Variants in ESR1 observed in about 807,000 individuals in gnomAD.
The protein encoded by ESR1 is estrogen receptor.
ESR1 carries 12 observed loss-of-function variants against 52.7 expected under a neutral mutation model. The ratio of observed to expected loss-of-function variants is 0.23; its 90% CI spans 0.15 to 0.37. The LOEUF is 0.37. Among genes scored for constraint, ESR1 ranks in the 10% least tolerant of loss-of-function variants. ESR1 has a pLI of 1.00. For synonymous variants in ESR1, 305 were observed against 316.8 expected (o/e 0.96, Z 0.39); for missense variants, 584 against 779.7 (o/e 0.75, Z 2.99).
intron 5 of ESR1, among the ~76,000 whole-genome samples, chr6:152,042,110 G>T (rs1453520655): frequency 1.3e-5 from 2 of 152,154 alleles, no homozygotes; most frequent in African/African-American, 2.4e-5. Context: ...CTCCAGGGAT[G>T]CAATGTTGTG....
chr6:151,965,168 A>G (rs1483168546), intron 4 of ESR1, among the ~76,000 whole-genome samples: 2 of 152,168 alleles, frequency 1.3e-5, no homozygotes, highest in African/African-American at 4.8e-5. Flanking sequence ...GCGATCATGT[A>G]TCATCTGATC....
intron 2 of ESR1, among the ~76,000 whole-genome samples, chr6:151,728,362 G>A (rs1781997400): frequency 6.6e-6 from 1 of 152,158 alleles, no homozygotes; most frequent in Non-Finnish European, 1.5e-5. Flanking sequence ...CTGACATCCT[G>A]TAAATGGAAA....
At chr6:151,812,249 T>C (rs953254513) in intron 1 of ESR1, among the ~76,000 whole-genome samples, 15 of 152,142 alleles carry the variant, frequency 9.9e-5, no homozygotes, top group Non-Finnish European at 1.5e-5. Context: ...TAAACAAACA[T>C]TAGGTGTTTT....
rs1407847781 is a variant in ESR1, at chr6:151,895,594, G to A, written c.760+14823G>A. Among the ~76,000 whole-genome samples, 3 of 152,128 alleles carry A rather than the reference G, an allele frequency of 2.0e-5. No individual in the cohort carries two copies. The South Asian group carries it at 6.2e-4, about 32-fold the overall frequency. ...TTTGCTGAAGGTTTTAATCATAAAG[G>A]GATGCTGGATTTTGTCAAATGCTTT... On this transcript the variant is annotated intron_variant, in intron 3 of 7. Transcript: ENST00000206249.
chr6:151,924,816 G>A lies in ESR1; in HGVS notation c.761-19357G>A, dbSNP rs149578488. Among the ~76,000 whole-genome samples the A allele has an allele frequency of 2.6e-3, 392 of 151,900 alleles. 2 individuals are homozygous for A. The highest frequency in any genetic ancestry group is 8.2e-3 in the African/African-American group (341 of 41,420). ...TTTTAATGGCTGAATAGTATTCCAC[G>A]GTGTCTATGTACTACATTGTTTTTT... On this transcript the variant is annotated intron_variant, in intron 3 of 7. Coordinates refer to ENST00000206249, the MANE Select transcript of ESR1 (RefSeq NM_000125.4).
chr6:151,710,399 A>G (rs1008320035), intron 2 of ESR1, among the ~76,000 whole-genome samples: 2 of 152,188 alleles, frequency 1.3e-5, no homozygotes, highest in Non-Finnish European at 2.9e-5. Context: ...AAAGTAAAAA[A>G]TATTTATCAC....
chr6:152,051,485 C>G (rs2046674529), intron 5 of ESR1, among the ~76,000 whole-genome samples: 1 of 152,210 alleles, frequency 6.6e-6, no homozygotes, highest in African/African-American at 2.4e-5. Flanking sequence ...GACGCCTCCT[C>G]TTGACCTGGG....
chr6:151,952,195 T>A (rs2128558865), intron 4 of ESR1, among the ~76,000 whole-genome samples: 1 of 152,344 alleles, frequency 6.6e-6, no homozygotes, highest in South Asian at 2.1e-4. Flanking sequence ...TCTAGCTTAG[T>A]AATTGTTTTA....
chr6:151,920,462 A>G (rs1016052044), intron 3 of ESR1, among the ~76,000 whole-genome samples: 3 of 152,084 alleles, frequency 2.0e-5, no homozygotes, highest in Non-Finnish European at 4.4e-5. Flanking sequence ...ATGAACCAAT[A>G]TTGTTTCATT....
At chr6:151,842,569 A>G in intron 1 of ESR1, 28 bp from the exon 2 acceptor site, 1 of 1,604,350 alleles carries the variant, frequency 6.2e-7, no homozygotes, top group Non-Finnish European at 8.5e-7. Context: ...TTCTAATGTT[A>G]ATGGATTTAC....
chr6:151,987,446 A>T (rs1435262438), intron 4 of ESR1, among the ~76,000 whole-genome samples: 1 of 152,040 alleles, frequency 6.6e-6, no homozygotes, highest in Non-Finnish European at 1.5e-5. Flanking sequence ...TTTAGTAGAG[A>T]TGGTGTTTCA....
chr6:151,985,111 C>T (rs1216069104), intron 4 of ESR1, among the ~76,000 whole-genome samples: 6 of 152,034 alleles, frequency 3.9e-5, no homozygotes, highest in Non-Finnish European at 5.9e-5. Context: ...CTCAGCATAA[C>T]GTTATGTGCT....
chr6:152,042,434 T>C (rs1319655742), intron 5 of ESR1, among the ~76,000 whole-genome samples: 2 of 152,180 alleles, frequency 1.3e-5, no homozygotes, highest in Non-Finnish European at 2.9e-5. Context: ...TCAGAGCCAG[T>C]GTCCAGTTGT....
At chr6:151,899,617 G>A (rs1363737197) in intron 3 of ESR1, among the ~76,000 whole-genome samples, 112 of 150,372 alleles carry the variant, frequency 7.4e-4, no homozygotes, top group Admixed American at 1.6e-3. Context: ...GCTGCCGGGC[G>A]GAGACGCTCC....
At chr6:151,742,199 A>G (rs1206383527) in intron 2 of ESR1, among the ~76,000 whole-genome samples, 1 of 152,218 alleles carries the variant, frequency 6.6e-6, no homozygotes, top group Non-Finnish European at 1.5e-5. Flanking sequence ...GGCTGCTGTG[A>G]ATAGTGCTGC....
chr6:152,043,426 T>G (rs9479178), intron 5 of ESR1, among the ~76,000 whole-genome samples: 45 of 152,306 alleles, frequency 3.0e-4, no homozygotes, highest in African/African-American at 1.0e-3. Context: ...CTTATATAAA[T>G]TAGAAAACTC....
intron 3 of ESR1, among the ~76,000 whole-genome samples, chr6:151,895,634 C>T (rs532122166): frequency 1.6e-4 from 25 of 152,120 alleles, no homozygotes; most frequent in South Asian, 1.0e-3. Flanking sequence ...GTATCTATTG[C>T]GATTATTGCG....
chr6:151,889,297 T>TGTAATG, intron 3 of ESR1, among the ~76,000 whole-genome samples: 3 of 152,196 alleles, frequency 2.0e-5, no homozygotes, highest in African/African-American at 7.2e-5. Context: ...GTCCTGGGCT[T>TGTAATG]TTCTTCCATA....
intron 2 of ESR1, among the ~76,000 whole-genome samples, chr6:151,773,360 A>AACTGT (rs1186743945): frequency 6.6e-6 from 1 of 152,212 alleles, no homozygotes; most frequent in East Asian, 1.9e-4. Flanking sequence ...TAGCCCCTGG[A>AACTGT]ACTGTGAGAC....
Sources: allele counts gnomAD v4.1 joint callset (sites outside exome capture counted in the v4.1 genomes callset), GRCh38; gene constraint gnomAD v4.1.1; transcripts MANE v1.5; gene names NCBI Gene and HGNC (gene_info 2026-07-23, HGNC 2026-07-21).